The following DCLRE1C variants were observed in gnomAD, a reference collection of about 807,000 sequenced individuals.
DCLRE1C encodes the protein DNA cross-link repair 1C.
A neutral mutation model predicts 61.4 loss-of-function variants in DCLRE1C; 47 were observed. The observed-to-expected ratio is 0.77, with a 90% confidence interval of 0.61 to 0.98. The LOEUF (loss-of-function observed/expected upper bound fraction) is 0.98, where lower values mean the gene tolerates loss of function less well. Among genes scored for constraint, DCLRE1C ranks in the 50% least tolerant of loss-of-function variants. DCLRE1C has a pLI of 0.00. For synonymous variants in DCLRE1C, 337 were observed against 287.6 expected, an observed-to-expected ratio of 1.17 and a Z score of -1.74; for missense variants, 858 against 816.0, an observed-to-expected ratio of 1.05 and a Z score of -0.63.
rs903449653 is a variant in DCLRE1C at position 14,926,710 on chromosome 10, GAA to G, written c.972+131_972+132del. The G allele has an allele frequency of 6.9e-5, 48 of 693,808 alleles. No individual in the cohort carries two copies. In the Admixed American group the frequency reaches 1.0e-3, roughly 14 times the overall value. 43.0% of individuals were successfully genotyped at this position (693,808 alleles called of 1,614,324 possible). A position where few individuals can be genotyped will look rare whatever the true frequency, so the allele number is the denominator to read the frequency against. On this transcript the variant is annotated intron_variant, in intron 11 of 13. Transcript: ENST00000378278. Reference sequence around the variant, plus strand: ...AATAATGAGGATGAACTGCATTTAGGAAAAAAAAACTAAAAGGAAATGAAACT... The same window carrying G: ...AATAATGAGGATGAACTGCATTTAGGAAAAAAACTAAAAGGAAATGAAACT...
chr10:14,909,141 A>T lies in DCLRE1C; in HGVS notation c.1346T>A (p.Phe449Tyr). ...ACTGTTGGATTCTTCACAATCTACA[A>T]AGTTTGTGAAACGAGAGCTCTGCAT... The part of the protein sequence containing the change: ...ECMQSSRFTN[F>Y]VDCEESNSES... Residue 449 changes from phenylalanine to tyrosine, a missense_variant, in exon 14 of 14, where the codon TTT (phenylalanine) becomes TAT (tyrosine). Phe to Tyr is a conservative substitution (Grantham distance 22). Coordinates refer to ENST00000378278, the MANE Select transcript of DCLRE1C (RefSeq NM_001033855.3). 6.2e-7 allele frequency: 1 copy of T among 1,614,222 alleles called. No homozygotes were observed. Among genetic ancestry groups the T allele is most frequent in the Non-Finnish European group, 8.5e-7 (1 of 1,180,044 alleles).
intron 2 of DCLRE1C, 105 bp from the exon 3 acceptor site, chr10:14,945,294 G>A (rs1841506194): frequency 7.1e-7 from 1 of 1,412,366 alleles, no homozygotes; most frequent in African/African-American, 1.5e-5. Flanking sequence ...TTTGAGACCA[G>A]TCTGACCAAC....
At chr10:14,949,773 G>A (rs1201321087) in intron 1 of DCLRE1C, among the ~76,000 whole-genome samples, 3 of 152,234 alleles carry the variant, frequency 2.0e-5, no homozygotes, top group African/African-American at 7.2e-5. Flanking sequence ...AGTTGGACAT[G>A]GTGGCTCTTG....
intron 13 of DCLRE1C, chr10:14,911,322 A>G (rs1254231385): frequency 6.6e-6 from 1 of 152,174 alleles, no homozygotes; most frequent in Non-Finnish European, 1.5e-5. Flanking sequence ...ACTAAATGCT[A>G]CTCTGTTCCT....
upstream of DCLRE1C, chr10:14,954,101 G>A (rs1426344862): frequency 1.0e-5 from 16 of 1,592,644 alleles, no homozygotes; most frequent in African/African-American, 1.3e-5. Context: ...GAAGCCGCGC[G>A]CTGCCTCGCC....
rs560579587 is a variant in DCLRE1C at position 14,942,821 on chromosome 10, C to T, written c.246+2284G>A. ...GTGGGTAGGAGGGAGGCACTGGCTG[C>T]AAGCAGCTTAAGAGCAAACAGAAGC... On this transcript the variant is annotated intron_variant, in intron 3 of 13. Coordinates refer to ENST00000378278, the MANE Select transcript of DCLRE1C (RefSeq NM_001033855.3). Among the ~76,000 whole-genome samples, 329 of 152,156 alleles carry T rather than the reference C, an allele frequency of 2.2e-3. 1 individual carries two copies. Among genetic ancestry groups the T allele is most frequent in the South Asian group, 3.1e-3 (15 of 4,822 alleles).
intron 13 of DCLRE1C, among the ~76,000 whole-genome samples, chr10:14,910,898 G>A (rs1447484878): frequency 6.6e-6 from 1 of 152,182 alleles, no homozygotes; most frequent in Non-Finnish European, 1.5e-5. Context: ...TGAGTCCTAT[G>A]ATTGCCTGAC....
intron 4 of DCLRE1C, among the ~76,000 whole-genome samples, chr10:14,937,035 A>G (rs545380758): frequency 1.4e-4 from 21 of 152,324 alleles, no homozygotes; most frequent in African/African-American, 5.1e-4. Context: ...TCAGTGAAAG[A>G]AGCCGGATAA....
chr10:14,924,636 C>T (rs1196018707), intron 11 of DCLRE1C, among the ~76,000 whole-genome samples: 1 of 152,040 alleles, frequency 6.6e-6, no homozygotes, highest in East Asian at 1.9e-4. Flanking sequence ...ATCACAAGGT[C>T]AGGAGTTCGA....
chr10:14,918,649 AAAAC>A (rs376148654), intron 13 of DCLRE1C, among the ~76,000 whole-genome samples: 25 of 152,174 alleles, frequency 1.6e-4, no homozygotes, highest in African/African-American at 6.0e-4. Flanking sequence ...AAAAAAGAAA[AAAAC>A]CTTAGTAAAT....
At chr10:14,917,724 G>C (rs1485928572) in intron 13 of DCLRE1C, among the ~76,000 whole-genome samples, 1 of 152,078 alleles carries the variant, frequency 6.6e-6, no homozygotes, top group Non-Finnish European at 1.5e-5. Context: ...GGCTGAAGTG[G>C]GAGGATCACT....
chr10:14,927,921 ATTC>A, intron 10 of DCLRE1C, 92 bp downstream of exon 10: 3 of 1,021,764 alleles, frequency 2.9e-6, no homozygotes, highest in Non-Finnish European at 2.8e-6. Context: ...ATATAATTAT[ATTC>A]TTGGGCTTAG....
At chr10:14,901,254 A>T, downstream of DCLRE1C, 1 of 1,613,888 alleles carries the variant, frequency 6.2e-7, no homozygotes, top group Non-Finnish European at 8.5e-7. Context: ...TTTGATTATC[A>T]AATGAAAGGT....
In DCLRE1C at chr10:14,919,753, C is replaced by G. The variant is rs1400419478; in HGVS notation, c.1141G>C (p.Val381Leu). The part of the protein sequence containing the change: ...PLGKLKRART[V>L]HRDSEEEDDY... ...TTTTTCTTACCTGAGTCTCGGTGAA[C>G]TGTTCTAGCTCTCTTCAGTTTTCCC... The change falls in exon 13 of 14, where the codon GTT becomes CTT. Residue 381 changes from valine to leucine, a missense_variant. Val to Leu is a conservative substitution (Grantham distance 32). Transcript: ENST00000378278. 3 of 1,613,674 alleles carry G rather than the reference C, an allele frequency of 1.9e-6. No individual in the cohort carries two copies. The African/African-American group carries it at 4.0e-5, about 22-fold the overall frequency.
chr10:14,934,607 C>T (rs897665122), intron 7 of DCLRE1C, 87 bp from the exon 8 acceptor site: 50 of 1,612,982 alleles, frequency 3.1e-5, no homozygotes, highest in East Asian at 2.2e-4. Context: ...CTCACACCTA[C>T]GGGGACAGTT....
At chr10:14,952,271 A>C (rs41304302) in intron 1 of DCLRE1C, among the ~76,000 whole-genome samples, 534 of 152,318 alleles carry the variant, frequency 3.5e-3, no homozygotes, top group Admixed American at 8.8e-3. Flanking sequence ...CTCGTCCAGC[A>C]GTGGATTCTC....
Position 14,907,065 on chromosome 10 carries a change from G to A in DCLRE1C, c.*1343C>T, listed in dbSNP as rs1834459399. Reference sequence around the variant, plus strand: ...TTGTGGAGACAGGGTCTCCCTGTGTGTTGCCCAGGCTGGACTCAAAACCCT... The same window carrying A: ...TTGTGGAGACAGGGTCTCCCTGTGTATTGCCCAGGCTGGACTCAAAACCCT... On this transcript the variant is annotated 3_prime_UTR_variant, in exon 14 of 14. Transcript: ENST00000378278. 6.6e-6 allele frequency among the ~76,000 whole-genome samples: 1 copy of A among 151,950 alleles called. No homozygotes were observed. Among genetic ancestry groups the A allele is most frequent in the Non-Finnish European group, 1.5e-5 (1 of 68,004 alleles).
At chr10:14,909,460 T>C (rs1383593023) in intron 13 of DCLRE1C, 130 bp from the exon 14 acceptor site, 5 of 789,176 alleles carry the variant, frequency 6.3e-6, no homozygotes, top group Admixed American at 5.5e-5. Context: ...GGAAAAGATA[T>C]TCTTGGGATA....
At chr10:14,913,527 C>A (rs768096946) in intron 13 of DCLRE1C, among the ~76,000 whole-genome samples, 1 of 152,132 alleles carries the variant, frequency 6.6e-6, no homozygotes, top group African/African-American at 2.4e-5. Context: ...ATTCCTATAC[C>A]ATATTTGGAG....
Sources: gnomAD v4.1 joint callset for allele counts (sites outside exome capture counted in the v4.1 genomes callset) on GRCh38, gnomAD v4.1.1 for gene constraint, MANE v1.5 for transcripts, NCBI Gene and HGNC (gene_info 2026-07-23, HGNC 2026-07-21) for gene names.